GTF2A1L: variants seen among roughly 807,000 people sequenced by gnomAD.
GTF2A1L encodes the protein general transcription factor IIA subunit 1 like.
GTF2A1L carries 48 observed loss-of-function variants against 49.7 expected under a neutral mutation model. The ratio of observed to expected loss-of-function variants is 0.97; its 90% confidence interval spans 0.77 to 1.23. GTF2A1L has a LOEUF of 1.23. GTF2A1L is among the 50% of genes most tolerant of loss of function. GTF2A1L has a pLI of 0.00. For synonymous variants in GTF2A1L, 246 were observed against 193.5 expected (o/e 1.27, Z -2.25); for missense variants, 736 against 564.8 (o/e 1.30, Z -3.07).
At chr2:48,674,421 GAAT>G (rs1679349611) in intron 8 of GTF2A1L, among the ~76,000 whole-genome samples, 1 of 151,854 alleles carries the variant, frequency 6.6e-6, no homozygotes, top group African/African-American at 2.4e-5. Context: ...GGGAAACAAA[GAAT>G]AATGTTTTGA....
intron 6 of GTF2A1L, among the ~76,000 whole-genome samples, chr2:48,655,077 T>A (rs1388207838): frequency 6.6e-6 from 1 of 152,042 alleles, no homozygotes; most frequent in Non-Finnish European, 1.5e-5. Context: ...AATCTATAGA[T>A]CAGTAAGGGG....
chr2:48,653,962 T>C (rs911294182), intron 6 of GTF2A1L, among the ~76,000 whole-genome samples: 6 of 144,402 alleles, frequency 4.2e-5, no homozygotes, highest in African/African-American at 1.6e-4. Context: ...CCCGAAAACA[T>C]TTATATGTAG....
At chr2:48,651,881 C>G (rs963573821) in intron 6 of GTF2A1L, among the ~76,000 whole-genome samples, 6 of 152,070 alleles carry the variant, frequency 3.9e-5, no homozygotes, top group Admixed American at 2.0e-4. Context: ...CATTGATGAT[C>G]TATGTGGTGG....
chr2:48,646,066 A>T (rs1487036780), intron 5 of GTF2A1L, among the ~76,000 whole-genome samples: 1 of 151,990 alleles, frequency 6.6e-6, no homozygotes, highest in Non-Finnish European at 1.5e-5. Flanking sequence ...GGCATTTTAA[A>T]TATATGAAGT....
chr2:48,644,053 C>T (rs752657220), intron 4 of GTF2A1L, among the ~76,000 whole-genome samples: 13 of 152,028 alleles, frequency 8.6e-5, no homozygotes, highest in Non-Finnish European at 1.8e-4. Flanking sequence ...TGCCTGTAGT[C>T]CTGGCTACTT....
intron 6 of GTF2A1L, among the ~76,000 whole-genome samples, chr2:48,649,021 A>G (rs1677697289): frequency 1.3e-5 from 2 of 152,186 alleles, no homozygotes. Flanking sequence ...TGGAGAGCTT[A>G]TGGATCTATA....
intron 8 of GTF2A1L, among the ~76,000 whole-genome samples, chr2:48,673,611 G>C (rs928162950): frequency 1.1e-4 from 16 of 152,010 alleles, no homozygotes; most frequent in African/African-American, 3.9e-4. Context: ...TACCCACCTG[G>C]GAAGTGCTGG....
At chr2:48,677,405 T>A (rs760662308) in intron 8 of GTF2A1L, among the ~76,000 whole-genome samples, 4 of 151,952 alleles carry the variant, frequency 2.6e-5, no homozygotes, top group Non-Finnish European at 5.9e-5. Flanking sequence ...TGTGAGGATA[T>A]TAGAGTGTAA....
rs1677131795 is a variant in GTF2A1L, at chr2:48,640,307, A to G, written c.248-2095A>G. On this transcript the variant is annotated intron_variant, in intron 3 of 8. Coordinates refer to ENST00000403751, the MANE Select transcript of GTF2A1L (RefSeq NM_006872.5). ...GAATCAACCTAAATGCTCATCAGTG[A>G]CTGACTGGATAAAGGAAATGTGGTA... 2.6e-5 allele frequency among the ~76,000 whole-genome samples: 4 copies of G among 152,232 alleles called. No individual in the cohort carries two copies. The South Asian group carries it at 6.2e-4, about 24-fold the overall frequency.
chr2:48,674,040 C>T (rs901930744), intron 8 of GTF2A1L, among the ~76,000 whole-genome samples: 1 of 152,010 alleles, frequency 6.6e-6, no homozygotes, highest in East Asian at 1.9e-4. Context: ...CCCATAGATA[C>T]CTTTTTGCTG....
At chr2:48,633,934 A>G (rs1431134304) in intron 3 of GTF2A1L, among the ~76,000 whole-genome samples, 1 of 152,080 alleles carries the variant, frequency 6.6e-6, no homozygotes, top group Non-Finnish European at 1.5e-5. Flanking sequence ...TTTGTCTTAT[A>G]TAATAATAGT....
At chr2:48,660,673 C>T (rs904362385) in intron 6 of GTF2A1L, among the ~76,000 whole-genome samples, 1 of 151,988 alleles carries the variant, frequency 6.6e-6, no homozygotes, top group African/African-American at 2.4e-5. Flanking sequence ...AACAGAGTCT[C>T]TGTCGCCCAG....
chr2:48,677,329 A>C, intron 8 of GTF2A1L, among the ~76,000 whole-genome samples: 1 of 151,862 alleles, frequency 6.6e-6, no homozygotes, highest in Admixed American at 6.6e-5. Context: ...TTTTAGATGG[A>C]GTGTCTAGGG....
intron 3 of GTF2A1L, among the ~76,000 whole-genome samples, chr2:48,635,501 G>T (rs1185944768): frequency 6.6e-6 from 1 of 152,090 alleles, no homozygotes; most frequent in African/African-American, 2.4e-5. Flanking sequence ...GGGGCACCAA[G>T]TGATGGCACA....
chr2:48,661,950 A>G (rs1001523554), intron 6 of GTF2A1L, among the ~76,000 whole-genome samples: 1 of 152,000 alleles, frequency 6.6e-6, no homozygotes, highest in East Asian at 1.9e-4. Context: ...TGTTTTCTAT[A>G]TGTATTTAGG....
At chr2:48,643,554 T>C (rs1216828782) in intron 4 of GTF2A1L, among the ~76,000 whole-genome samples, 5 of 151,982 alleles carry the variant, frequency 3.3e-5, no homozygotes, top group South Asian at 4.2e-4. Flanking sequence ...CAAACAAATA[T>C]TTTTTTTCCT....
Position 48,617,933 on chromosome 2 carries a change from C to T in GTF2A1L, c.21+38C>T. On this transcript the variant is annotated intron_variant, in intron 1 of 8. Transcript: ENST00000403751. ...TCAGGCTCTGTGTAGAGGGAGCGCC[C>T]TGGGACTCCGGGTTCACGGCAGCCG... The T allele has an allele frequency of 3.2e-6, 5 of 1,549,140 alleles. No individual in the cohort carries two copies. The South Asian group carries it at 3.6e-5, about 11-fold the overall frequency.
At chr2:48,655,132 A>G (rs1678099416) in intron 6 of GTF2A1L, among the ~76,000 whole-genome samples, 1 of 151,858 alleles carries the variant, frequency 6.6e-6, no homozygotes, top group Non-Finnish European at 1.5e-5. Context: ...CATGGACATA[A>G]GTTTTTTTTT....
At chr2:48,655,469 A>C (rs757457278) in intron 6 of GTF2A1L, among the ~76,000 whole-genome samples, 21 of 151,992 alleles carry the variant, frequency 1.4e-4, no homozygotes, top group Non-Finnish European at 2.9e-4. Context: ...GGGATTATAG[A>C]CGTATGAGCC....
Sources: allele counts gnomAD v4.1 joint callset (sites outside exome capture counted in the v4.1 genomes callset), GRCh38; gene constraint gnomAD v4.1.1; transcripts MANE v1.5; gene names NCBI Gene and HGNC (gene_info 2026-07-23, HGNC 2026-07-21).